DLG4: variants seen among roughly 807,000 people sequenced by gnomAD.
DLG4 encodes discs large MAGUK scaffold protein 4.
A neutral mutation model predicts 93.8 loss-of-function variants in DLG4; 7 were observed. The ratio of observed to expected loss-of-function variants is 0.07; its 90% CI spans 0.04 to 0.14. The LOEUF is 0.14. Ranked by LOEUF, DLG4 falls within the 10% of genes least tolerant of loss-of-function variation. DLG4 has a pLI of 1.00. For missense variants in DLG4, 545 were observed against 992.9 expected, an observed-to-expected ratio of 0.55 and a Z score of 6.06; for synonymous variants, 341 against 387.6, an observed-to-expected ratio of 0.88 and a Z score of 1.41.
In DLG4 at chr17:7,194,133, C is replaced by A. The variant is rs1044570197; in HGVS notation, c.1479-133G>T. The A allele has an allele frequency of 2.2e-6, 3 of 1,354,358 alleles. No homozygotes were observed. Among genetic ancestry groups the A allele is most frequent in the Non-Finnish European group, 3.0e-6 (3 of 992,700 alleles). The allele number at this position is 1,354,358 out of a possible 1,614,324, so 83.9% of individuals were successfully genotyped here. ...ACCCCTTCTCCTGCAGCCCTGGACA[C>A]TGTGCTCCTCAATAAGGAGTTGTCC... On this transcript the variant is annotated intron_variant, in intron 12 of 19. Coordinates refer to ENST00000399506, the MANE Select transcript of DLG4 (RefSeq NM_001321075.3). This position sits in a 1 kb window ranked among gnomAD's most constrained non-coding sequence, Gnocchi z 4.4.
chr17:7,191,971 T>C lies in DLG4; in HGVS notation c.1898A>G (p.Asn633Ser). The change falls in exon 18 of 20, where the codon AAT becomes AGT. Residue 633 changes from asparagine (N) to serine (S), a missense_variant. By Grantham distance (46) the Asn-to-Ser change is conservative (BLOSUM62 1). This residue lies in a region of DLG4 where 428 missense variants were observed against 741.4 expected (regional missense o/e 0.58). Coordinates refer to ENST00000399506, the MANE Select transcript of DLG4 (RefSeq NM_001321075.3). The surrounding 1 kb of genome is among the most constrained non-coding windows in gnomAD (Gnocchi z 6.6). Reference sequence around the variant, plus strand: ...GGCCGCCTGCAGCCGCCGCACGGCATTGGCCGAGACATCGAGGATGCAGTG... The same window carrying C: ...GGCCGCCTGCAGCCGCCGCACGGCACTGGCCGAGACATCGAGGATGCAGTG... ...GKHCILDVSA[N>S]AVRRLQAAHL... 1 of 1,475,574 alleles carries C rather than the reference T, an allele frequency of 6.8e-7. No individual in the cohort carries two copies. The highest frequency in any genetic ancestry group is 9.0e-7 in the Non-Finnish European group (1 of 1,109,758). 91.4% of individuals were successfully genotyped at this position (1,475,574 alleles called of 1,614,324 possible).
In DLG4 at chr17:7,193,424, G is replaced by A; in HGVS notation, c.1693+59C>T. On this transcript the variant is annotated intron_variant, in intron 16 of 19. Coordinates refer to ENST00000399506, the MANE Select transcript of DLG4 (RefSeq NM_001321075.3). This position sits in a 1 kb window ranked among gnomAD's most constrained non-coding sequence, Gnocchi z 6.7. ...GCTCTGCCTATGGCCCCAGGGATGG[G>A]CCTCCCCTGCCCCACCCCCACTTCC... 6.8e-7 allele frequency: 1 copy of A among 1,461,576 alleles called. No individual in the cohort carries two copies. Among genetic ancestry groups the A allele is most frequent in the South Asian group, 1.5e-5 (1 of 68,160 alleles). 90.5% of individuals were successfully genotyped at this position (1,461,576 alleles called of 1,614,324 possible).
chr17:7,204,467 G>A lies in DLG4; in HGVS notation c.97-215C>T, dbSNP rs571821805. The A allele has an allele frequency of 2.3e-4, 121 of 530,534 alleles. 1 individual carries two copies. The South Asian group carries it at 3.3e-3, about 15-fold the overall frequency. 32.9% of individuals were successfully genotyped at this position (530,534 alleles called of 1,614,324 possible). ...CGCACACACACGCACAGATGCACAC[G>A]CGCAAGGATCTAACTCTGCCCAGCC... On this transcript the variant is annotated intron_variant, in intron 2 of 19. Coordinates refer to ENST00000399506, the MANE Select transcript of DLG4 (RefSeq NM_001321075.3).
intron 8 of DLG4, among the ~76,000 whole-genome samples, chr17:7,198,851 A>G (rs2069958668): frequency 6.6e-6 from 1 of 151,116 alleles, no homozygotes; most frequent in African/African-American, 2.4e-5. Flanking sequence ...CCATCTCAAA[A>G]AAAAAAAAAA....
Position 7,191,153 on chromosome 17 carries a change from CCG to C in DLG4, c.2068+112_2068+113del. 1 of 940,186 alleles carries C rather than the reference CCG, an allele frequency of 1.1e-6. No individual in the cohort carries two copies. Among genetic ancestry groups the C allele is most frequent in the South Asian group, 1.4e-5 (1 of 69,138 alleles). The allele number at this position is 940,186 out of a possible 1,614,324, so 58.2% of individuals were successfully genotyped here. On this transcript the variant is annotated intron_variant, in intron 19 of 19. Transcript: ENST00000399506. This position sits in a 1 kb window ranked among gnomAD's most constrained non-coding sequence, Gnocchi z 6.6. The stretch of plus-strand genomic sequence containing the variant: ...GGGATTACAGGCGTGAGCCACCATG[CCG>C]CGCCCACAGGGGCACCTCTTTCTAA...
intron 8 of DLG4, among the ~76,000 whole-genome samples, chr17:7,201,409 AC>A (rs1163706233): frequency 6.6e-6 from 1 of 152,160 alleles, no homozygotes; most frequent in African/African-American, 2.4e-5. Flanking sequence ...GGGGAGGAGT[AC>A]CATTGTCATC....
intron 8 of DLG4, among the ~76,000 whole-genome samples, chr17:7,197,813 C>A (rs1022975431): frequency 6.6e-6 from 1 of 152,196 alleles, no homozygotes; most frequent in Non-Finnish European, 1.5e-5. Context: ...AGGGAAATTA[C>A]TGCTTACCCT....
intron 1 of DLG4, among the ~76,000 whole-genome samples, chr17:7,213,557 T>C (rs1303536624): frequency 1.3e-5 from 2 of 152,104 alleles, no homozygotes; most frequent in African/African-American, 4.8e-5. Flanking sequence ...ACACCAAAGA[T>C]ACGGCCGGCA....
chr17:7,211,924 A>T (rs1408343622), intron 1 of DLG4, among the ~76,000 whole-genome samples: 1 of 149,888 alleles, frequency 6.7e-6, no homozygotes, highest in Non-Finnish European at 1.5e-5. Context: ...TCCCTGGTTC[A>T]CGCTGTTTCT....
Position 7,192,992 on chromosome 17 carries a change from G to T in DLG4, c.1819C>A (p.His607Asn). 6.2e-7 allele frequency: 1 copy of T among 1,613,624 alleles called. No individual in the cohort carries two copies. The change falls in exon 17 of 20, where the codon CAC becomes AAC. Residue 607 changes from histidine (H) to asparagine (N), a missense_variant. This residue lies in a region of DLG4 where 428 missense variants were observed against 741.4 expected (regional missense o/e 0.58). Coordinates refer to ENST00000399506, the MANE Select transcript of DLG4 (RefSeq NM_001321075.3). ...KFIEAGQYNS[H>N]LYGTSVQSVR... ...GACTGGACGCTGGTCCCATAGAGGT[G>T]GCTGTTGTACTGGCCGGCCTCAATG... is the stretch of plus-strand genomic sequence containing the variant.
At chr17:7,215,532 C>T (rs1260661441) in intron 1 of DLG4, among the ~76,000 whole-genome samples, 2 of 152,248 alleles carry the variant, frequency 1.3e-5, no homozygotes, top group African/African-American at 4.8e-5. Context: ...CAGGAGACAG[C>T]GGGAGCAGAG....
intron 1 of DLG4, among the ~76,000 whole-genome samples, chr17:7,213,014 C>G (rs1225381188): frequency 6.6e-6 from 1 of 151,864 alleles, no homozygotes; most frequent in African/African-American, 2.4e-5. Context: ...GCCTAGGCGA[C>G]AGAGTGAGAC....
At position 7,214,721 on chromosome 17, in the gene DLG4, T is replaced by G. The variant is rs552528761; in HGVS notation, c.30+2397A>C. Among the ~76,000 whole-genome samples, 24 of 152,106 alleles carry G rather than the reference T, an allele frequency of 1.6e-4. No individual in the cohort carries two copies. The South Asian group carries it at 4.8e-3, about 30-fold the overall frequency. On this transcript the variant is annotated intron_variant, in intron 1 of 19. Transcript: ENST00000399506. ...CAGCTTCAGTCGTCGCCGGTTACCATGGCAACGGCGGCAGCAGCGCGGGGA... is the reference window on the plus strand; with the variant it reads ...CAGCTTCAGTCGTCGCCGGTTACCAGGGCAACGGCGGCAGCAGCGCGGGGA...
At position 7,196,733 on chromosome 17, in the gene DLG4, A is replaced by G; in HGVS notation, c.1083+24T>C. 1.3e-6 allele frequency: 2 copies of G among 1,589,348 alleles called. No individual in the cohort carries two copies. The highest frequency in any genetic ancestry group is 1.7e-6 in the Non-Finnish European group (2 of 1,167,760). On this transcript the variant is annotated intron_variant, in intron 9 of 19. Coordinates refer to ENST00000399506, the MANE Select transcript of DLG4 (RefSeq NM_001321075.3). This position sits in a 1 kb window ranked among gnomAD's most constrained non-coding sequence, Gnocchi z 8.3. ...CTGCCCTGTGGGGAGGGGGTGGTGC[A>G]GGTAGGGGCAGGCCTTCCCTCACCG...
chr17:7,208,080 A>T lies in DLG4; in HGVS notation c.96+94T>A, dbSNP rs1006136290. On this transcript the variant is annotated intron_variant, in intron 2 of 19. Coordinates refer to ENST00000399506, the MANE Select transcript of DLG4 (RefSeq NM_001321075.3). The surrounding 1 kb of genome is among the most constrained non-coding windows in gnomAD (Gnocchi z 5.4). ...GGGCCACCAGGGTCTCCTACCTTGA[A>T]GGGGGAGAGGTGGGCGTGGCCCACG... The T allele has an allele frequency of 2.3e-6, 3 of 1,313,520 alleles. No homozygotes were observed. Among genetic ancestry groups the T allele is most frequent in the Non-Finnish European group, 2.9e-6 (3 of 1,022,656 alleles). The allele number at this position is 1,313,520 out of a possible 1,614,324, so 81.4% of individuals were successfully genotyped here.
At chr17:7,213,667 C>G in intron 1 of DLG4, 1 of 439,732 alleles carries the variant, frequency 2.3e-6, no homozygotes, top group Non-Finnish European at 4.8e-6. Flanking sequence ...ACCTGAAAGC[C>G]TCTCTTCCAA....
At chr17:7,218,576 G>A, upstream of DLG4, 1 of 1,566,100 alleles carries the variant, frequency 6.4e-7, no homozygotes, top group African/African-American at 1.4e-5. Context: ...ATGCAGCACT[G>A]TGAGGAGTGG....
chr17:7,211,821 C>CGG lies in DLG4; in HGVS notation c.31-3584_31-3583dup, dbSNP rs1318925894. On this transcript the variant is annotated intron_variant, in intron 1 of 19. Transcript: ENST00000399506. Reference sequence around the variant, plus strand: ...CGGCCGCGGCAACTGGAGGCTGCGGCGGGGGGGGGGGGGGGGTGACGGCGC... The same window carrying CGG: ...CGGCCGCGGCAACTGGAGGCTGCGGCGGGGGGGGGGGGGGGGGGTGACGGCGC... 10 of 3,668 alleles carry CGG rather than the reference C, an allele frequency of 2.7e-3. No individual in the cohort carries two copies. The South Asian group carries it at 0.056, about 20-fold the overall frequency. 0.2% of individuals were successfully genotyped at this position (3,668 alleles called of 1,614,324 possible). A position where few individuals can be genotyped will look rare whatever the true frequency, so the allele number is the denominator to read the frequency against.
chr17:7,217,241 G>T lies in DLG4; in HGVS notation c.-94C>A, dbSNP rs532873127. On this transcript the variant is annotated 5_prime_UTR_variant, in exon 1 of 20. Transcript: ENST00000399506. ...GTGGGTTCTCACCCCTCCCCCCTCC[G>T]CACCCCACTTTTGCAGGGGGGGCCA... The T allele has an allele frequency of 1.5e-5, 18 of 1,220,292 alleles. No homozygotes were observed. Among genetic ancestry groups the T allele is most frequent in the South Asian group, 3.7e-5 (1 of 27,132 alleles). 75.6% of individuals were successfully genotyped at this position (1,220,292 alleles called of 1,614,324 possible). A position where few individuals can be genotyped will look rare whatever the true frequency, so the allele number is the denominator to read the frequency against.
Sources: gnomAD v4.1 joint callset for allele counts (sites outside exome capture counted in the v4.1 genomes callset) on GRCh38, gnomAD v4.1.1 for gene constraint, gnomAD v4.1.1 regional missense constraint, Gnocchi (gnomAD v3.1) non-coding constraint, MANE v1.5 for transcripts, NCBI Gene and HGNC (gene_info 2026-07-23, HGNC 2026-07-21) for gene names.